DBX2: variants seen among roughly 807,000 people sequenced by gnomAD.
DBX2 encodes homeobox protein DBX2.
A neutral mutation model predicts 17.7 loss-of-function variants in DBX2; 16 were observed. The observed-to-expected ratio is 0.90, with a 90% CI of 0.61 to 1.37. DBX2 has a LOEUF of 1.37. Ranked by LOEUF, DBX2 falls within the 40% of genes most tolerant of loss-of-function variation. The pLI is 0.00. For synonymous variants in DBX2, 255 were observed against 183.8 expected, an observed-to-expected ratio of 1.39 and a Z score of -3.13; for missense variants, 538 against 433.8, an observed-to-expected ratio of 1.24 and a Z score of -2.13.
intron 1 of DBX2, among the ~76,000 whole-genome samples, chr12:45,038,194 T>C (rs1946450500): frequency 6.6e-6 from 1 of 151,964 alleles, no homozygotes. Flanking sequence ...TAATTATGTT[T>C]ATTTTCAAGC....
At position 45,051,088 on chromosome 12, in the gene DBX2, A is replaced by G. The variant is rs1259856515; in HGVS notation, c.-161T>C. Reference sequence around the variant, plus strand: ...GAAAGGCCACCCGGGACGGCGGCGGACTTGGAACGATATTATTTATTTGCG... The same window carrying G: ...GAAAGGCCACCCGGGACGGCGGCGGGCTTGGAACGATATTATTTATTTGCG... On this transcript the variant is annotated 5_prime_UTR_variant, in exon 1 of 4. Transcript: ENST00000332700. The G allele has an allele frequency of 3.9e-6, 3 of 764,428 alleles. No individual in the cohort carries two copies. The African/African-American group carries it at 5.5e-5, about 14-fold the overall frequency. The allele number at this position is 764,428 out of a possible 1,614,324, so 47.4% of individuals were successfully genotyped here. A position where few individuals can be genotyped will look rare whatever the true frequency, so the allele number is the denominator to read the frequency against.
chr12:45,039,276 G>GGT lies in DBX2; in HGVS notation c.404-3164_404-3163dup, dbSNP rs1491416835. On this transcript the variant is annotated intron_variant, in intron 1 of 3. Coordinates refer to ENST00000332700, the MANE Select transcript of DBX2 (RefSeq NM_001004329.3). Reference sequence around the variant, plus strand: ...ATTTAAAACAATGCACTGCATTGAAGGTATATATATATATATATATATATA... The same window carrying GGT: ...ATTTAAAACAATGCACTGCATTGAAGGTGTATATATATATATATATATATATA... 4.8e-3 allele frequency among the ~76,000 whole-genome samples: 320 copies of GGT among 66,402 alleles called. 5 individuals carry two copies. The East Asian group carries it at 0.075, about 16-fold the overall frequency. 43.6% of individuals were successfully genotyped at this position (66,402 alleles called of 152,430 possible). A position where few individuals can be genotyped will look rare whatever the true frequency, so the allele number is the denominator to read the frequency against.
At chr12:45,045,363 A>G (rs1159285483) in intron 1 of DBX2, among the ~76,000 whole-genome samples, 2 of 152,248 alleles carry the variant, frequency 1.3e-5, no homozygotes, top group Non-Finnish European at 2.9e-5. Flanking sequence ...CCACCCTAAC[A>G]TAAGAACACA....
intron 3 of DBX2, among the ~76,000 whole-genome samples, chr12:45,021,334 GCAAA>G (rs929248044): frequency 9.2e-5 from 14 of 152,114 alleles, no homozygotes; most frequent in Non-Finnish European, 2.1e-4. Context: ...CCACAAGATG[GCAAA>G]CAAATAGGAA....
rs139789589 is a variant in DBX2 at position 45,034,928 on chromosome 12, G to A, written c.499+1091C>T. The stretch of plus-strand genomic sequence containing the variant: ...GAGTGAAAAATCGTGGTGAGGTCGC[G>A]TGTGGATGAGTCGAGTGAAAGTGAC... On this transcript the variant is annotated intron_variant, in intron 2 of 3. Transcript: ENST00000332700. Among the ~76,000 whole-genome samples the A allele has an allele frequency of 7.9e-5, 12 of 152,326 alleles. No individual in the cohort carries two copies. The East Asian group carries it at 2.1e-3, about 27-fold the overall frequency.
At chr12:45,030,921 G>T (rs1946405901) in intron 2 of DBX2, among the ~76,000 whole-genome samples, 1 of 152,094 alleles carries the variant, frequency 6.6e-6, no homozygotes, top group Non-Finnish European at 1.5e-5. Context: ...AACTGAAAGG[G>T]ATAAGAGGTC....
At chr12:45,042,974 T>C (rs1946479746) in intron 1 of DBX2, among the ~76,000 whole-genome samples, 1 of 152,164 alleles carries the variant, frequency 6.6e-6, no homozygotes, top group Admixed American at 6.5e-5. Flanking sequence ...GAAAAAATGA[T>C]CTAAACTCGA....
chr12:45,031,941 T>C (rs534345660), intron 2 of DBX2, among the ~76,000 whole-genome samples: 1 of 152,286 alleles, frequency 6.6e-6, no homozygotes, highest in Admixed American at 6.5e-5. Flanking sequence ...TTTCATGTTA[T>C]GCTCAGACTA....
At chr12:45,021,450 A>G (rs1449239235) in intron 3 of DBX2, among the ~76,000 whole-genome samples, 1 of 152,226 alleles carries the variant, frequency 6.6e-6, no homozygotes, top group Non-Finnish European at 1.5e-5. Context: ...GGGGACCACA[A>G]TAGGTACTAT....
chr12:45,016,149 T>C lies in DBX2; in HGVS notation c.*137A>G. ...CCAAACAAGAGAACACTAGAGTGGGTTTCCTAAAGCATTAGTTCATACATC... is the reference window on the plus strand; with the variant it reads ...CCAAACAAGAGAACACTAGAGTGGGCTTCCTAAAGCATTAGTTCATACATC... On this transcript the variant is annotated 3_prime_UTR_variant, in exon 4 of 4. Coordinates refer to ENST00000332700, the MANE Select transcript of DBX2 (RefSeq NM_001004329.3). 1 of 896,178 alleles carries C rather than the reference T, an allele frequency of 1.1e-6. No individual in the cohort carries two copies. The highest frequency in any genetic ancestry group is 2.7e-5 in the South Asian group (1 of 37,636). The allele number at this position is 896,178 out of a possible 1,614,324, so 55.5% of individuals were successfully genotyped here. A position where few individuals can be genotyped will look rare whatever the true frequency, so the allele number is the denominator to read the frequency against.
chr12:45,029,450 C>T (rs931042284), intron 2 of DBX2, among the ~76,000 whole-genome samples: 1 of 152,180 alleles, frequency 6.6e-6, no homozygotes, highest in African/African-American at 2.4e-5. Flanking sequence ...ATTAAAGTCA[C>T]ACATCAAAGC....
intron 1 of DBX2, among the ~76,000 whole-genome samples, chr12:45,046,392 C>T (rs940268115): frequency 2.0e-5 from 3 of 152,146 alleles, no homozygotes; most frequent in African/African-American, 7.2e-5. Context: ...GCATAGGTCC[C>T]ATCACTATCC....
intron 1 of DBX2, among the ~76,000 whole-genome samples, chr12:45,037,614 A>T (rs1021121155): frequency 6.6e-6 from 1 of 152,134 alleles, no homozygotes; most frequent in Non-Finnish European, 1.5e-5. Flanking sequence ...ATTCGTGAAT[A>T]TTGTTTCCAT....
chr12:45,023,224 A>G (rs2643145), intron 3 of DBX2, among the ~76,000 whole-genome samples: 96,454 of 152,104 alleles, frequency 0.63, 31,032 homozygotes, highest in South Asian at 0.84. Context: ...CCCAAATAAC[A>G]AAATCATGAA....
rs1352789765 is a variant in DBX2 at position 45,051,022 on chromosome 12, C to T, written c.-95G>A. On this transcript the variant is annotated 5_prime_UTR_variant, in exon 1 of 4. Transcript: ENST00000332700. ...ACCCAGAGCCGCAGCTTCTCGCCGC[C>T]GCCTCCCGCAGGGCTGGAGCGCGCG... 1.5e-6 allele frequency: 2 copies of T among 1,298,352 alleles called. No homozygotes were observed. Among genetic ancestry groups the T allele is most frequent in the East Asian group, 6.5e-5 (2 of 30,998 alleles). 80.4% of individuals were successfully genotyped at this position (1,298,352 alleles called of 1,614,324 possible).
chr12:45,026,022 T>C (rs1279009856), intron 2 of DBX2, among the ~76,000 whole-genome samples: 1 of 152,014 alleles, frequency 6.6e-6, no homozygotes, highest in Non-Finnish European at 1.5e-5. Context: ...ATGGGCTTTT[T>C]TTGGTCTTAG....
intron 1 of DBX2, among the ~76,000 whole-genome samples, chr12:45,048,571 A>T (rs1051984243): frequency 2.0e-5 from 3 of 152,208 alleles, no homozygotes; most frequent in African/African-American, 7.2e-5. Context: ...AGAATCTGTA[A>T]TTTAAATAAA....
At chr12:45,024,572 C>G (rs910141980) in intron 2 of DBX2, among the ~76,000 whole-genome samples, 3 of 152,218 alleles carry the variant, frequency 2.0e-5, no homozygotes, top group African/African-American at 7.2e-5. Flanking sequence ...TCATTTTTCT[C>G]TAATTCTTCA....
At chr12:45,031,225 T>TGTGTGTGAGA (rs1377897653) in intron 2 of DBX2, among the ~76,000 whole-genome samples, 13,394 of 85,388 alleles carry the variant, frequency 0.16, 1,414 homozygotes, top group Middle Eastern at 0.2. Context: ...TGTGTGTGTG[T>TGTGTGTGAGA]GAGAGAGAGA....
Sources: gnomAD v4.1 joint callset for allele counts (sites outside exome capture counted in the v4.1 genomes callset) on GRCh38, gnomAD v4.1.1 for gene constraint, MANE v1.5 for transcripts, NCBI Gene and HGNC (gene_info 2026-07-23, HGNC 2026-07-21) for gene names.